EYS: variants seen among roughly 807,000 people sequenced by gnomAD.
EYS encodes protein eyes shut homolog.
Under a neutral mutation model 282.1 loss-of-function variants are expected in EYS, and 250 were observed. The ratio of observed to expected loss-of-function variants is 0.89; its 90% CI spans 0.80 to 0.98. EYS has a LOEUF of 0.98. EYS is among the 50% of genes least tolerant of loss of function. The probability of loss-of-function intolerance (pLI) is 0.00; values close to 1 mark genes in which losing one functional copy is unlikely to be tolerated. For synonymous variants in EYS, 1,355 were observed against 1,282.9 expected, an observed-to-expected ratio of 1.06 and a Z score of -1.20; for missense variants, 4,016 against 3,709.0, an observed-to-expected ratio of 1.08 and a Z score of -2.15.
intron 37 of EYS, among the ~76,000 whole-genome samples, chr6:63,796,757 CTT>C (rs949105609): frequency 5.3e-5 from 8 of 152,174 alleles, no homozygotes; most frequent in African/African-American, 1.7e-4. Flanking sequence ...TTATCTCACT[CTT>C]TTGAAAAAAC....
At chr6:65,312,789 A>C (rs1016067460) in intron 11 of EYS, among the ~76,000 whole-genome samples, 1 of 152,158 alleles carries the variant, frequency 6.6e-6, no homozygotes, top group African/African-American at 2.4e-5. Flanking sequence ...AACGTTAAAC[A>C]GGTCTTTCTG....
intron 5 of EYS, among the ~76,000 whole-genome samples, chr6:65,466,085 T>C (rs558063463): frequency 6.6e-6 from 1 of 152,226 alleles, no homozygotes; most frequent in Non-Finnish European, 1.5e-5. Flanking sequence ...AATTTAGAAA[T>C]TGCATTGCCC....
chr6:65,604,842 C>CCCTTTTTTTTTTTTTTTTTT (rs35924341), intron 2 of EYS, among the ~76,000 whole-genome samples: 1 of 130,410 alleles, frequency 7.7e-6, no homozygotes. Context: ...TCACTGCCCC[C>CCCTTTTTTTTTTTTTTTTTT]TTTTTTTTTT....
chr6:65,547,259 AG>A lies in EYS; in HGVS notation c.-332-51267del, dbSNP rs1244036385. ...TTTCCACAGATATTTTCATATCATT[AG>A]GAAATCCTTAGAAAGATTTCAATGG... On this transcript the variant is annotated intron_variant, in intron 2 of 42. Coordinates refer to ENST00000503581, the MANE Select transcript of EYS (RefSeq NM_001142800.2). 2.3e-4 allele frequency among the ~76,000 whole-genome samples: 34 copies of A among 151,090 alleles called. 1 individual carries two copies. Among genetic ancestry groups the A allele is most frequent in the African/African-American group, 6.3e-4 (26 of 41,052 alleles).
intron 19 of EYS, among the ~76,000 whole-genome samples, chr6:64,842,524 A>C (rs2150035812): frequency 6.6e-6 from 1 of 152,094 alleles, no homozygotes; most frequent in African/African-American, 2.4e-5. Context: ...GAAGACAGAA[A>C]AATGTGGGAA....
At chr6:64,298,458 T>C (rs1420970818) in intron 30 of EYS, among the ~76,000 whole-genome samples, 2 of 152,200 alleles carry the variant, frequency 1.3e-5, no homozygotes, top group African/African-American at 4.8e-5. Flanking sequence ...AGAGTTTTTC[T>C]TGTTATAAAC....
At chr6:64,813,146 G>A (rs1187953460) in intron 22 of EYS, among the ~76,000 whole-genome samples, 2 of 151,820 alleles carry the variant, frequency 1.3e-5, no homozygotes, top group Non-Finnish European at 2.9e-5. Flanking sequence ...GATAAAATGA[G>A]GGATGATTTA....
At chr6:65,241,281 C>T (rs1453501645) in intron 12 of EYS, among the ~76,000 whole-genome samples, 1 of 152,094 alleles carries the variant, frequency 6.6e-6, no homozygotes, top group African/African-American at 2.4e-5. Flanking sequence ...TGAAAGTCCT[C>T]TTTGCTAGTT....
intron 2 of EYS, among the ~76,000 whole-genome samples, chr6:65,598,249 A>G (rs354341): frequency 2.7e-5 from 1 of 37,072 alleles, no homozygotes; most frequent in East Asian, 1.1e-3. Context: ...CCCCCCCCCC[A>G]AAAAAAAAAA....
chr6:65,615,352 T>G (rs2149797313), intron 2 of EYS, among the ~76,000 whole-genome samples: 1 of 150,790 alleles, frequency 6.6e-6, no homozygotes, highest in East Asian at 2.0e-4. Context: ...ATCCCAGTTA[T>G]CCGAATATTC....
rs1005886282 is a variant in EYS at position 65,064,930 on chromosome 6, T to C, written c.2024-7203A>G. 2.2e-4 allele frequency among the ~76,000 whole-genome samples: 33 copies of C among 152,068 alleles called. 1 individual carries two copies. The highest frequency in any genetic ancestry group is 2.9e-5 in the Non-Finnish European group (2 of 68,006). ...GAATAGTCAGGATGGCCCTGGAAGGTGAGTCTCACAGAAAGGCTGATCCTT... is the reference window on the plus strand; with the variant it reads ...GAATAGTCAGGATGGCCCTGGAAGGCGAGTCTCACAGAAAGGCTGATCCTT... On this transcript the variant is annotated intron_variant, in intron 12 of 42. Transcript: ENST00000503581.
intron 5 of EYS, among the ~76,000 whole-genome samples, chr6:65,428,495 G>C (rs1357124440): frequency 1.3e-5 from 2 of 149,544 alleles, no homozygotes; most frequent in South Asian, 4.4e-4. Context: ...AATAGTCACT[G>C]TCATTAAACT....
At chr6:65,155,439 C>T (rs187573099) in intron 12 of EYS, among the ~76,000 whole-genome samples, 2 of 151,518 alleles carry the variant, frequency 1.3e-5, no homozygotes, top group African/African-American at 2.4e-5. Flanking sequence ...GAAGCAATTG[C>T]TATTACTGAT....
At chr6:65,084,805 G>T (rs1334086809) in intron 12 of EYS, among the ~76,000 whole-genome samples, 1 of 152,050 alleles carries the variant, frequency 6.6e-6, no homozygotes, top group Non-Finnish European at 1.5e-5. Context: ...TGTTTTAGTT[G>T]GAAAAAACTA....
At chr6:65,504,372 T>C (rs926950906) in intron 2 of EYS, among the ~76,000 whole-genome samples, 1 of 151,710 alleles carries the variant, frequency 6.6e-6, no homozygotes, top group Non-Finnish European at 1.5e-5. Context: ...TTTTATGTCT[T>C]TCTTATTAGT....
intron 30 of EYS, among the ~76,000 whole-genome samples, chr6:64,245,681 A>AT (rs1257001895): frequency 6.6e-6 from 1 of 151,894 alleles, no homozygotes; most frequent in Non-Finnish European, 1.5e-5. Context: ...ATGCTTTATC[A>AT]TTTTTCACTG....
chr6:65,695,851 T>C (rs966150331), intron 1 of EYS, among the ~76,000 whole-genome samples: 2 of 151,996 alleles, frequency 1.3e-5, no homozygotes, highest in Non-Finnish European at 2.9e-5. Context: ...CTATTCTATA[T>C]CCTGTGAATA....
chr6:65,122,540 G>A (rs544566065), intron 12 of EYS, among the ~76,000 whole-genome samples: 10 of 151,900 alleles, frequency 6.6e-5, no homozygotes, highest in African/African-American at 1.9e-4. Flanking sequence ...TTTGAAATTC[G>A]TACTGTTTAT....
chr6:65,393,143 A>ACACAT (rs1766119173), intron 7 of EYS, among the ~76,000 whole-genome samples: 2 of 143,624 alleles, frequency 1.4e-5, no homozygotes, highest in Admixed American at 1.4e-4. Context: ...GGACACAGGA[A>ACACAT]GGGGAACATC....
Sources: gnomAD v4.1 joint callset for allele counts (sites outside exome capture counted in the v4.1 genomes callset) on GRCh38, gnomAD v4.1.1 for gene constraint, MANE v1.5 for transcripts, NCBI Gene and HGNC (gene_info 2026-07-23, HGNC 2026-07-21) for gene names.